Variants in CORIN observed in about 807,000 individuals in gnomAD.
CORIN encodes corin, serine peptidase.
A neutral mutation model predicts 125.3 loss-of-function variants in CORIN; 117 were observed. The ratio of observed to expected loss-of-function variants is 0.93; its 90% CI spans 0.80 to 1.09. The LOEUF is 1.09. CORIN is among the 50% of genes least tolerant of loss of function. CORIN has a pLI of 0.00. For missense variants in CORIN, 1,253 were observed against 1,306.7 expected, an observed-to-expected ratio of 0.96 and a Z score of 0.63; for synonymous variants, 450 against 466.4, an observed-to-expected ratio of 0.96 and a Z score of 0.45.
intron 5 of CORIN, among the ~76,000 whole-genome samples, chr4:47,712,615 CA>C (rs1489124092): frequency 6.6e-6 from 1 of 152,104 alleles, no homozygotes; most frequent in Non-Finnish European, 1.5e-5. Context: ...TATATGGCAA[CA>C]GGCTTGGGGA....
At chr4:47,689,415 G>A (rs542056805) in intron 6 of CORIN, among the ~76,000 whole-genome samples, 2 of 152,230 alleles carry the variant, frequency 1.3e-5, no homozygotes, top group African/African-American at 4.8e-5. Flanking sequence ...AACCTAAGCA[G>A]CCTGACTCAA....
intron 4 of CORIN, among the ~76,000 whole-genome samples, chr4:47,759,814 A>G (rs1729361382): frequency 1.3e-5 from 2 of 152,216 alleles, no homozygotes; most frequent in South Asian, 4.1e-4. Flanking sequence ...CATCCATTCA[A>G]GTTTGATCAT....
chr4:47,732,020 G>A (rs1485440347), intron 5 of CORIN, among the ~76,000 whole-genome samples: 4 of 152,214 alleles, frequency 2.6e-5, no homozygotes, highest in Admixed American at 2.6e-4. Flanking sequence ...CAGTGGAATG[G>A]AGGTTTGAAG....
At chr4:47,606,049 G>A (rs541175040) in intron 19 of CORIN, among the ~76,000 whole-genome samples, 1 of 152,244 alleles carries the variant, frequency 6.6e-6, no homozygotes, top group East Asian at 1.9e-4. Context: ...ACATCATTCA[G>A]TGAATAGAGA....
chr4:47,741,628 A>AT (rs1728401516), intron 5 of CORIN, among the ~76,000 whole-genome samples: 1 of 152,116 alleles, frequency 6.6e-6, no homozygotes, highest in African/African-American at 2.4e-5. Flanking sequence ...AGCATTATTC[A>AT]TAACAGTCCA....
intron 8 of CORIN, among the ~76,000 whole-genome samples, chr4:47,678,274 A>C (rs1725117309): frequency 6.6e-6 from 1 of 152,204 alleles, no homozygotes; most frequent in Admixed American, 6.5e-5. Flanking sequence ...GATTGTTTTT[A>C]GTGATGGAAG....
At chr4:47,807,329 A>C (rs1400035217) in intron 1 of CORIN, among the ~76,000 whole-genome samples, 1 of 152,210 alleles carries the variant, frequency 6.6e-6, no homozygotes, top group Admixed American at 6.5e-5. Flanking sequence ...CATATTTGTC[A>C]ATTTGGTATG....
In CORIN at chr4:47,815,749, GA is replaced by G. The variant is rs199969150; in HGVS notation, c.64-8703del. ...TTTAAAACAATAGAGAATACGGGGGGAAAGAGAGTTGGGTTATCCATTTCTT... is the reference window on the plus strand; with the variant it reads ...TTTAAAACAATAGAGAATACGGGGGGAAGAGAGTTGGGTTATCCATTTCTT... On this transcript the variant is annotated intron_variant, in intron 1 of 21. Transcript: ENST00000273857. 3.9e-3 allele frequency among the ~76,000 whole-genome samples: 592 copies of G among 152,232 alleles called. 4 individuals carry two copies. The highest frequency in any genetic ancestry group is 0.013 in the African/African-American group (553 of 41,556).
intron 11 of CORIN, among the ~76,000 whole-genome samples, chr4:47,662,673 A>G (rs150043287): frequency 2.0e-5 from 3 of 152,280 alleles, no homozygotes; most frequent in East Asian, 3.9e-4. Context: ...TATACTCTTA[A>G]TGGACTCAAA....
At chr4:47,678,696 G>A (rs1159783741) in intron 8 of CORIN, among the ~76,000 whole-genome samples, 1 of 152,136 alleles carries the variant, frequency 6.6e-6, no homozygotes, top group Admixed American at 6.5e-5. Flanking sequence ...ATTCCTATCG[G>A]TTCTCTAAAT....
rs144471903 is a variant in CORIN at position 47,720,628 on chromosome 4, A to T, written c.799+23774T>A. Among the ~76,000 whole-genome samples the T allele has an allele frequency of 5.9e-5, 9 of 152,280 alleles. No individual in the cohort carries two copies. The East Asian group carries it at 1.7e-3, about 29-fold the overall frequency. On this transcript the variant is annotated intron_variant, in intron 5 of 21. Transcript: ENST00000273857. ...TACATAGAGCTATCCCTACACATCT[A>T]CTTCTTGTATGAGATGAACTCATCC...
chr4:47,671,343 G>A (rs1724749311), intron 10 of CORIN, among the ~76,000 whole-genome samples: 1 of 152,180 alleles, frequency 6.6e-6, no homozygotes, highest in Non-Finnish European at 1.5e-5. Flanking sequence ...TTGGCATCAA[G>A]CAGACTAAGA....
At chr4:47,690,385 T>C (rs1462428287) in intron 6 of CORIN, among the ~76,000 whole-genome samples, 1 of 152,220 alleles carries the variant, frequency 6.6e-6, no homozygotes, top group Non-Finnish European at 1.5e-5. Flanking sequence ...ACACTTCCTA[T>C]GCTGATAATT....
At chr4:47,738,351 C>T (rs1728230967) in intron 5 of CORIN, among the ~76,000 whole-genome samples, 1 of 152,156 alleles carries the variant, frequency 6.6e-6, no homozygotes, top group Non-Finnish European at 1.5e-5. Flanking sequence ...ACTGACTATG[C>T]ACCCTAACAT....
intron 4 of CORIN, among the ~76,000 whole-genome samples, chr4:47,758,305 A>G (rs981452924): frequency 6.6e-6 from 1 of 152,180 alleles, no homozygotes. Context: ...CTACACAAAT[A>G]ACTATAAACA....
At chr4:47,759,341 A>G (rs181291822) in intron 4 of CORIN, among the ~76,000 whole-genome samples, 40 of 152,324 alleles carry the variant, frequency 2.6e-4, no homozygotes, top group Admixed American at 2.4e-3. Flanking sequence ...AAAAGCTCAA[A>G]CATCAAAAGC....
intron 3 of CORIN, among the ~76,000 whole-genome samples, chr4:47,777,110 T>C (rs1217799836): frequency 6.6e-6 from 1 of 152,190 alleles, no homozygotes; most frequent in African/African-American, 2.4e-5. Flanking sequence ...AACTGGCTGC[T>C]TGGGGACAGG....
chr4:47,700,914 G>A (rs889401697), intron 5 of CORIN, among the ~76,000 whole-genome samples: 2 of 152,146 alleles, frequency 1.3e-5, no homozygotes, highest in Non-Finnish European at 2.9e-5. Context: ...TTCCCTTTCC[G>A]GAGGCTGCAG....
chr4:47,604,957 C>G (rs1331542015), intron 19 of CORIN, among the ~76,000 whole-genome samples: 1 of 152,214 alleles, frequency 6.6e-6, no homozygotes, highest in African/African-American at 2.4e-5. Context: ...TGAGGCCCTA[C>G]ACCATATGTT....
Sources: gnomAD v4.1 joint callset for allele counts (sites outside exome capture counted in the v4.1 genomes callset) on GRCh38, gnomAD v4.1.1 for gene constraint, MANE v1.5 for transcripts, NCBI Gene and HGNC (gene_info 2026-07-23, HGNC 2026-07-21) for gene names.